The following NRXN3 variants were observed in gnomAD, a reference collection of about 807,000 sequenced individuals.
NRXN3 encodes neurexin III.
A neutral mutation model predicts 137.6 loss-of-function variants in NRXN3; 32 were observed. The observed-to-expected ratio is 0.23, with a 90% CI of 0.18 to 0.31. The LOEUF is 0.31. Ranked by LOEUF, NRXN3 falls within the 10% of genes least tolerant of loss-of-function variation. The pLI is 1.00. For synonymous variants in NRXN3, 798 were observed against 784.5 expected (o/e 1.02, Z -0.29); for missense variants, 1,574 against 2,062.5 (o/e 0.76, Z 4.59).
chr14:78,217,576 A>C (rs1421259700), intron 1 of NRXN3, among the ~76,000 whole-genome samples: 1 of 152,226 alleles, frequency 6.6e-6, no homozygotes, highest in African/African-American at 2.4e-5. Flanking sequence ...AATATTATTC[A>C]TTCTTTTTCA....
intron 20 of NRXN3, among the ~76,000 whole-genome samples, chr14:79,843,192 C>T (rs1443606361): frequency 6.6e-6 from 1 of 152,146 alleles, no homozygotes; most frequent in Non-Finnish European, 1.5e-5. Flanking sequence ...ACCATTTCAA[C>T]AAAGTGAATA....
chr14:79,410,876 A>G (rs929287053), intron 15 of NRXN3, among the ~76,000 whole-genome samples: 17 of 152,146 alleles, frequency 1.1e-4, no homozygotes, highest in African/African-American at 4.1e-4. Context: ...CACTAGAGCC[A>G]AGATTTAACA....
chr14:79,425,688 G>A (rs1009607803), intron 15 of NRXN3, among the ~76,000 whole-genome samples: 5 of 152,252 alleles, frequency 3.3e-5, no homozygotes, highest in African/African-American at 1.2e-4. Context: ...GAGGTCTTCT[G>A]TCTCTCACAA....
intron 1 of NRXN3, among the ~76,000 whole-genome samples, chr14:78,171,240 G>A (rs1197138855): frequency 6.8e-6 from 1 of 147,508 alleles, no homozygotes; most frequent in African/African-American, 2.5e-5. Context: ...TTTTTTTGAG[G>A]GGGTGTGAGG....
chr14:79,086,356 G>A (rs1293123814), intron 15 of NRXN3, among the ~76,000 whole-genome samples: 2 of 152,034 alleles, frequency 1.3e-5, no homozygotes, highest in Non-Finnish European at 2.9e-5. Context: ...CTCTCTACTA[G>A]GCCATCCCTC....
chr14:79,000,375 G>A (rs78460455), intron 15 of NRXN3, among the ~76,000 whole-genome samples: 1,901 of 152,120 alleles, frequency 0.012, 35 homozygotes, highest in African/African-American at 0.044. Context: ...TATAGCTTTC[G>A]GTTGCATCTT....
intron 4 of NRXN3, among the ~76,000 whole-genome samples, chr14:78,372,175 ATT>A (rs59367109): frequency 2.2e-3 from 318 of 144,100 alleles, no homozygotes; most frequent in African/African-American, 6.3e-3. Context: ...TGAAAAAAAA[ATT>A]TTTACCAGAA....
intron 15 of NRXN3, among the ~76,000 whole-genome samples, chr14:79,131,015 G>A (rs1366845218): frequency 6.6e-6 from 1 of 152,128 alleles, no homozygotes; most frequent in East Asian, 1.9e-4. Flanking sequence ...CTCGAGCCTT[G>A]GCTTTCAGCT....
chr14:78,790,751 G>A (rs907719345), intron 8 of NRXN3, among the ~76,000 whole-genome samples: 3 of 152,178 alleles, frequency 2.0e-5, no homozygotes, highest in Non-Finnish European at 2.9e-5. Context: ...TGCTTACAAG[G>A]TTGACCAGGA....
intron 4 of NRXN3, among the ~76,000 whole-genome samples, chr14:78,459,884 T>C (rs539870337): frequency 3.9e-5 from 6 of 152,260 alleles, no homozygotes; most frequent in African/African-American, 1.4e-4. Context: ...TACCTGGAGA[T>C]AGTGTCCAGT....
In NRXN3 at chr14:79,697,955, T is replaced by A. The variant is rs751071903; in HGVS notation, c.4014+18T>A. On this transcript the variant is annotated intron_variant, in intron 19 of 20. Transcript: ENST00000335750. The stretch of plus-strand genomic sequence containing the variant: ...GCATTCAGGTAGGCCTTTTTCCAAG[T>A]ATTAATTGCGTCTGTATTTTTATCT... 5.6e-6 allele frequency: 9 copies of A among 1,597,292 alleles called. No homozygotes were observed. The highest frequency in any genetic ancestry group is 7.7e-6 in the Non-Finnish European group (9 of 1,166,848).
chr14:78,637,157 G>C (rs1048833280), intron 4 of NRXN3, among the ~76,000 whole-genome samples: 2 of 152,114 alleles, frequency 1.3e-5, no homozygotes, highest in Admixed American at 6.6e-5. Flanking sequence ...AGAATGTAGA[G>C]AAGGCCCCAG....
At chr14:79,802,340 T>C (rs3922290) in intron 19 of NRXN3, among the ~76,000 whole-genome samples, 1 of 152,206 alleles carries the variant, frequency 6.6e-6, no homozygotes, top group Admixed American at 6.5e-5. Context: ...TAATTTCCAG[T>C]TGAACACACT....
Position 78,554,115 on chromosome 14 carries a change from C to G in NRXN3, c.758-91005C>G, listed in dbSNP as rs539033877. On this transcript the variant is annotated intron_variant, in intron 4 of 20. Transcript: ENST00000335750. ...GACCAAGCCTTCATTTTCTTTGAAA[C>G]ACTCACACTTTAGGGATATATTGAA... 6.6e-5 allele frequency among the ~76,000 whole-genome samples: 10 copies of G among 152,244 alleles called. No individual in the cohort carries two copies. The East Asian group carries it at 1.9e-3, about 29-fold the overall frequency.
intron 15 of NRXN3, among the ~76,000 whole-genome samples, chr14:79,321,203 G>T (rs1049099149): frequency 6.6e-6 from 1 of 151,890 alleles, no homozygotes; most frequent in Non-Finnish European, 1.5e-5. Flanking sequence ...ATCTTTCTTT[G>T]TTTATTGTTT....
At chr14:78,278,690 G>A in intron 3 of NRXN3, 28 bp downstream of exon 3, 2 of 1,531,734 alleles carry the variant, frequency 1.3e-6, no homozygotes, top group Non-Finnish European at 1.7e-6. Flanking sequence ...CACAGCTGCT[G>A]TGGGAATTTC....
At chr14:79,198,786 T>C (rs2065480673) in intron 15 of NRXN3, among the ~76,000 whole-genome samples, 1 of 152,226 alleles carries the variant, frequency 6.6e-6, no homozygotes, top group Non-Finnish European at 1.5e-5. Context: ...ACACCTGATA[T>C]AAGCTACAGT....
intron 16 of NRXN3, among the ~76,000 whole-genome samples, chr14:79,542,441 C>T (rs114304888): frequency 6.6e-6 from 1 of 152,172 alleles, no homozygotes; most frequent in Non-Finnish European, 1.5e-5. Context: ...CGTGAACATC[C>T]TTCTCTAGAC....
At chr14:78,260,077 C>T (rs1567106960) in intron 2 of NRXN3, among the ~76,000 whole-genome samples, 3 of 152,174 alleles carry the variant, frequency 2.0e-5, no homozygotes, top group Non-Finnish European at 4.4e-5. Flanking sequence ...CCTCATCCAA[C>T]AACAATGCAC....
Sources: allele counts gnomAD v4.1 joint callset (sites outside exome capture counted in the v4.1 genomes callset), GRCh38; gene constraint gnomAD v4.1.1; transcripts MANE v1.5; gene names NCBI Gene and HGNC (gene_info 2026-07-23, HGNC 2026-07-21).